HIVEP3: variants seen among roughly 807,000 people sequenced by gnomAD.
The protein encoded by HIVEP3 is transcription factor HIVEP3.
Under a neutral mutation model 152.8 loss-of-function variants are expected in HIVEP3, and 49 were observed. The observed-to-expected ratio is 0.32, with a 90% CI of 0.26 to 0.41. HIVEP3 has a LOEUF of 0.41. Ranked by LOEUF, HIVEP3 falls within the 10% of genes least tolerant of loss-of-function variation. The pLI is 1.00. For missense variants in HIVEP3, 2,790 were observed against 3,103.3 expected, an observed-to-expected ratio of 0.90 and a Z score of 2.40; for synonymous variants, 1,269 against 1,289.0, an observed-to-expected ratio of 0.98 and a Z score of 0.33.
chr1:41,650,677 G>A (rs537076863), intron 2 of HIVEP3, among the ~76,000 whole-genome samples: 35 of 151,578 alleles, frequency 2.3e-4, no homozygotes, highest in African/African-American at 8.5e-4. Context: ...CACTGGGCTT[G>A]TTCCCAGGCT....
Position 41,521,791 on chromosome 1 carries a change from G to A in HIVEP3, c.5383+2944C>T, listed in dbSNP as rs556634911. Among the ~76,000 whole-genome samples, 14 of 152,364 alleles carry A rather than the reference G, an allele frequency of 9.2e-5. No individual in the cohort carries two copies. The South Asian group carries it at 2.7e-3, about 29-fold the overall frequency. ...CTGCCTCATTTGGCTTTGATCAACC[G>A]CTCTGTCCCTGCCCCTGCCGCTGGC... On this transcript the variant is annotated intron_variant, in intron 6 of 8. Transcript: ENST00000372583.
intron 2 of HIVEP3, among the ~76,000 whole-genome samples, chr1:41,633,829 G>T (rs1159592368): frequency 6.6e-6 from 1 of 152,106 alleles, no homozygotes; most frequent in Non-Finnish European, 1.5e-5. Flanking sequence ...TCCCAGACAG[G>T]CCAAAGCCCT....
intron 1 of HIVEP3, among the ~76,000 whole-genome samples, chr1:41,718,834 G>T (rs1228613235): frequency 2.5e-4 from 38 of 151,908 alleles, no homozygotes; most frequent in Non-Finnish European, 1.6e-4. Context: ...TGTAATTATA[G>T]CCATAAGACC....
intron 5 of HIVEP3, among the ~76,000 whole-genome samples, chr1:41,544,881 ACC>A (rs1643671494): frequency 9.5e-6 from 1 of 104,794 alleles, no homozygotes; most frequent in Non-Finnish European, 2.0e-5. Context: ...CACCACTACC[ACC>A]TCTACCACCA....
rs1023853321 is a variant in HIVEP3 at position 41,760,642 on chromosome 1, T to C, written c.-800-59647A>G. ...AAAACATTTCTCTTCAACTGGGGAA[T>C]TGGCTCATGGGGCTGATCACAGTAC... is the stretch of plus-strand genomic sequence containing the variant. On this transcript the variant is annotated intron_variant, in intron 1 of 8. Transcript: ENST00000372583. Among the ~76,000 whole-genome samples the C allele has an allele frequency of 2.0e-5, 3 of 152,224 alleles. No individual in the cohort carries two copies. The East Asian group carries it at 5.8e-4, about 29-fold the overall frequency.
At chr1:41,574,272 A>G (rs1644294336) in intron 5 of HIVEP3, among the ~76,000 whole-genome samples, 1 of 152,166 alleles carries the variant, frequency 6.6e-6, no homozygotes, top group Admixed American at 6.5e-5. Flanking sequence ...ACAGAGACAC[A>G]CGAGGGCGCT....
chr1:41,638,441 A>C (rs774452958), intron 2 of HIVEP3, among the ~76,000 whole-genome samples: 1 of 151,986 alleles, frequency 6.6e-6, no homozygotes, highest in Non-Finnish European at 1.5e-5. Context: ...GAAAGAAAGA[A>C]AGAGAAAAGA....
At position 41,507,256 on chromosome 1, in the gene HIVEP3, T is replaced by G. The variant is rs1463315966; in HGVS notation, c.*3195A>C. ...CAACAGAGGGAAGCAGAGGGACTTC[T>G]GGGTCTGGAAGTTGGAGCTTACGGA... On this transcript the variant is annotated 3_prime_UTR_variant, in exon 9 of 9. Transcript: ENST00000372583. 1 of 152,254 alleles carries G rather than the reference T, an allele frequency of 6.6e-6. No individual in the cohort carries two copies. Among genetic ancestry groups the G allele is most frequent in the Non-Finnish European group, 1.5e-5 (1 of 68,072 alleles). 9.4% of individuals were successfully genotyped at this position (152,254 alleles called of 1,614,324 possible). A position where few individuals can be genotyped will look rare whatever the true frequency, so the allele number is the denominator to read the frequency against.
At chr1:41,829,744 T>C (rs943598731) in intron 1 of HIVEP3, among the ~76,000 whole-genome samples, 3 of 151,976 alleles carry the variant, frequency 2.0e-5, no homozygotes, top group African/African-American at 7.2e-5. Flanking sequence ...AGAGTCCATA[T>C]AATTTTAGAC....
intron 1 of HIVEP3, among the ~76,000 whole-genome samples, chr1:41,966,158 C>A (rs1052978943): frequency 6.6e-6 from 1 of 152,140 alleles, no homozygotes; most frequent in Non-Finnish European, 1.5e-5. Flanking sequence ...GAAATAAAAT[C>A]TTTTTCAGAC....
intron 2 of HIVEP3, among the ~76,000 whole-genome samples, chr1:41,690,755 T>C (rs1411164090): frequency 6.6e-6 from 1 of 152,082 alleles, no homozygotes; most frequent in Admixed American, 6.6e-5. Context: ...CTGTCTCTAC[T>C]AAAAATACAA....
chr1:41,839,158 C>T (rs1048465605), intron 1 of HIVEP3, among the ~76,000 whole-genome samples: 1 of 152,150 alleles, frequency 6.6e-6, no homozygotes, highest in African/African-American at 2.4e-5. Context: ...CTGTGATTTC[C>T]TCACCCTATG....
chr1:41,511,148 T>A lies in HIVEP3; in HGVS notation c.6524A>T (p.Asn2175Ile), dbSNP rs371706617. Reference sequence around the variant, plus strand: ...GTGCAGAGGCAGGTGGCTGAAGATGTTCTCCTCTGTCCGGGCCAGGATGTG... The same window carrying A: ...GTGCAGAGGCAGGTGGCTGAAGATGATCTCCTCTGTCCGGGCCAGGATGTG... ...HGHILARTEE[N>I]IFSHLPLHSQ... is the part of the protein sequence containing the mutation. The change falls in exon 9 of 9, where the codon AAC becomes ATC. Residue 2175 changes from asparagine to isoleucine, a missense_variant. Transcript: ENST00000372583. This position sits in a 1 kb window ranked among gnomAD's most constrained non-coding sequence, Gnocchi z 4.9. 112 of 1,614,014 alleles carry A rather than the reference T, an allele frequency of 6.9e-5. 1 individual carries two copies. Among genetic ancestry groups the A allele is most frequent in the Non-Finnish European group, 9.0e-5 (106 of 1,180,020 alleles).
intron 1 of HIVEP3, among the ~76,000 whole-genome samples, chr1:41,724,221 G>T (rs192054787): frequency 6.6e-6 from 1 of 152,166 alleles, no homozygotes; most frequent in African/African-American, 2.4e-5. Context: ...TAAACTCTAG[G>T]TTAAAAGTGT....
At chr1:41,555,475 G>A (rs1284380685) in intron 5 of HIVEP3, among the ~76,000 whole-genome samples, 1 of 152,334 alleles carries the variant, frequency 6.6e-6, no homozygotes, top group South Asian at 2.1e-4. Context: ...GCCCTGCCCT[G>A]CTTCAGCTCG....
intron 1 of HIVEP3, among the ~76,000 whole-genome samples, chr1:41,799,653 A>G (rs1650187685): frequency 6.6e-6 from 1 of 152,092 alleles, no homozygotes; most frequent in African/African-American, 2.4e-5. Flanking sequence ...TCCCTTTAAT[A>G]CATTTCCTCT....
At chr1:41,560,368 T>A (rs1254140381) in intron 5 of HIVEP3, among the ~76,000 whole-genome samples, 2 of 152,134 alleles carry the variant, frequency 1.3e-5, no homozygotes, top group African/African-American at 4.8e-5. Flanking sequence ...AGAGGGCAGG[T>A]CTTCAAGGAT....
intron 1 of HIVEP3, among the ~76,000 whole-genome samples, chr1:41,896,454 A>T (rs1644528596): frequency 6.6e-6 from 1 of 152,108 alleles, no homozygotes; most frequent in Non-Finnish European, 1.5e-5. Flanking sequence ...TGCCCGGCCC[A>T]CTGCTTTTCT....
chr1:41,789,165 G>A (rs561404041), intron 1 of HIVEP3, among the ~76,000 whole-genome samples: 53 of 152,292 alleles, frequency 3.5e-4, no homozygotes, highest in Admixed American at 2.0e-3. Context: ...CTGCAGCAGC[G>A]GAGGTAGGTG....
Sources: gnomAD v4.1 joint callset for allele counts (sites outside exome capture counted in the v4.1 genomes callset) on GRCh38, gnomAD v4.1.1 for gene constraint, Gnocchi (gnomAD v3.1) non-coding constraint, MANE v1.5 for transcripts, NCBI Gene and HGNC (gene_info 2026-07-23, HGNC 2026-07-21) for gene names.